Variants in TSPAN11 observed in about 807,000 individuals in gnomAD.
TSPAN11 encodes the protein tetraspanin-11.
A neutral mutation model predicts 32.9 loss-of-function variants in TSPAN11; 29 were observed. The observed-to-expected ratio is 0.88, with a 90% CI of 0.66 to 1.20. The LOEUF (loss-of-function observed/expected upper bound fraction) is 1.20, where lower values mean the gene tolerates loss of function less well. Ranked by LOEUF, TSPAN11 falls within the 50% of genes most tolerant of loss-of-function variation. The pLI, the probability that TSPAN11 is intolerant of heterozygous loss-of-function variation, is 0.00. For missense variants in TSPAN11, 283 were observed against 329.1 expected (o/e 0.86, Z 1.08); for synonymous variants, 140 against 141.3 (o/e 0.99, Z 0.07).
At chr12:30,960,826 G>A (rs990240091) in intron 2 of TSPAN11, among the ~76,000 whole-genome samples, 1 of 151,814 alleles carries the variant, frequency 6.6e-6, no homozygotes, top group African/African-American at 2.4e-5. Flanking sequence ...ATCACCTGAG[G>A]TCAAGAGTTC....
Position 30,992,148 on chromosome 12 carries a change from A to G in TSPAN11, c.*233A>G. On this transcript the variant is annotated 3_prime_UTR_variant, in exon 8 of 8. Coordinates refer to ENST00000546076, the MANE Select transcript of TSPAN11 (RefSeq NM_001370302.1). ...GAGCCCCCATGGCCAGATCCTGGGC[A>G]GGGAAATGATCCTTTCAGGAGACAA... 3.4e-6 allele frequency: 2 copies of G among 593,822 alleles called. No individual in the cohort carries two copies. Among genetic ancestry groups the G allele is most frequent in the Non-Finnish European group, 6.0e-6 (2 of 332,500 alleles). The allele number at this position is 593,822 out of a possible 1,614,324, so 36.8% of individuals were successfully genotyped here.
chr12:30,978,883 T>C (rs1273893651), intron 4 of TSPAN11: 3 of 517,262 alleles, frequency 5.8e-6, no homozygotes, highest in African/African-American at 1.9e-5. Context: ...CCAAGGGACA[T>C]TGCGTCATCC....
Position 30,994,714 on chromosome 12 carries a change from T to C in TSPAN11, c.*2799T>C, listed in dbSNP as rs1212151434. The C allele has an allele frequency of 1.3e-5, 2 of 152,216 alleles. No homozygotes were observed. Among genetic ancestry groups the C allele is most frequent in the Non-Finnish European group, 2.9e-5 (2 of 68,058 alleles). The allele number at this position is 152,216 out of a possible 1,614,324, so 9.4% of individuals were successfully genotyped here. On this transcript the variant is annotated 3_prime_UTR_variant, in exon 8 of 8. Coordinates refer to ENST00000546076, the MANE Select transcript of TSPAN11 (RefSeq NM_001370302.1). ...TAAGTGGGGAGTGTGTCCAGGGATTTTTTTGTGTTTACCAAGGTCCTGCTG... is the reference window on the plus strand; with the variant it reads ...TAAGTGGGGAGTGTGTCCAGGGATTCTTTTGTGTTTACCAAGGTCCTGCTG...
chr12:30,982,560 C>T lies in TSPAN11; in HGVS notation c.485C>T (p.Ala162Val), dbSNP rs1191305373. 1 of 1,611,734 alleles carries T rather than the reference C, an allele frequency of 6.2e-7. No individual in the cohort carries two copies. The highest frequency in any genetic ancestry group is 2.2e-5 in the East Asian group (1 of 44,822). Residue 162 changes from alanine to valine, a missense_variant, in exon 6 of 8, where the codon GCC (alanine) becomes GTC (valine). By Grantham distance (64) the Ala-to-Val change is moderately conservative. Coordinates refer to ENST00000546076, the MANE Select transcript of TSPAN11 (RefSeq NM_001370302.1). ...DFKCCGSNSSADWQHSTYILL... is the reference protein window; with the variant it reads ...DFKCCGSNSSVDWQHSTYILL... ...AAGTGCTGTGGAAGCAACAGCTCAG[C>T]CGACTGGCAGCACAGCACGTACATC...
downstream of TSPAN11, chr12:30,998,983 A>T (rs1939452080): frequency 6.6e-6 from 1 of 152,222 alleles, no homozygotes; most frequent in Admixed American, 6.5e-5. Flanking sequence ...TCAACATATG[A>T]TGGGGCTACA....
chr12:30,959,072 C>G (rs1013642368), intron 2 of TSPAN11, among the ~76,000 whole-genome samples: 7 of 152,168 alleles, frequency 4.6e-5, no homozygotes, highest in Non-Finnish European at 8.8e-5. Flanking sequence ...GCCCCAGAAG[C>G]TCGGCAGACA....
At chr12:30,971,215 A>T (rs1240175782) in intron 3 of TSPAN11, among the ~76,000 whole-genome samples, 1 of 152,184 alleles carries the variant, frequency 6.6e-6, no homozygotes, top group African/African-American at 2.4e-5. Context: ...ATCTCTAATT[A>T]TTCAGAATGG....
At chr12:31,014,251 C>T in the TSPAN11 span, among the ~76,000 whole-genome samples, 1 of 152,192 alleles carries the variant, frequency 6.6e-6, no homozygotes, top group South Asian at 2.1e-4. Context: ...AGCTCTTAAA[C>T]TATTATCATG....
chr12:30,959,727 C>T (rs1592476935), intron 2 of TSPAN11, among the ~76,000 whole-genome samples: 1 of 150,080 alleles, frequency 6.7e-6, no homozygotes, highest in East Asian at 2.0e-4. Flanking sequence ...TTGCAGTGAG[C>T]CGAGATCACG....
At chr12:30,960,175 G>A (rs926555073) in intron 2 of TSPAN11, among the ~76,000 whole-genome samples, 65 of 151,942 alleles carry the variant, frequency 4.3e-4, no homozygotes, top group African/African-American at 1.6e-3. Context: ...AGACTGAGCA[G>A]GGAGGAGGAG....
chr12:30,992,007 A>G lies in TSPAN11; in HGVS notation c.*92A>G. Reference sequence around the variant, plus strand: ...CTGCAGAGTTAGCACCAGCTCCACTAGGGCCATAGATGCCCCCTCCTTTGT... The same window carrying G: ...CTGCAGAGTTAGCACCAGCTCCACTGGGGCCATAGATGCCCCCTCCTTTGT... On this transcript the variant is annotated 3_prime_UTR_variant, in exon 8 of 8. Transcript: ENST00000546076. The G allele has an allele frequency of 7.1e-7, 1 of 1,402,126 alleles. No individual in the cohort carries two copies. Among genetic ancestry groups the G allele is most frequent in the Non-Finnish European group, 1.0e-6 (1 of 990,694 alleles). The allele number at this position is 1,402,126 out of a possible 1,614,324, so 86.9% of individuals were successfully genotyped here.
chr12:30,974,327 C>G (rs527492169), intron 3 of TSPAN11, among the ~76,000 whole-genome samples: 66 of 152,346 alleles, frequency 4.3e-4, no homozygotes, highest in African/African-American at 1.6e-3. Flanking sequence ...CCAGATAATT[C>G]TTCACTGCGG....
At chr12:30,943,682 A>T (rs1938211735) in intron 1 of TSPAN11, among the ~76,000 whole-genome samples, 1 of 152,168 alleles carries the variant, frequency 6.6e-6, no homozygotes, top group South Asian at 2.1e-4. Flanking sequence ...CACACAAAGG[A>T]GCTGAGCTCG....
At chr12:30,963,579 C>A (rs1487554982) in intron 2 of TSPAN11, among the ~76,000 whole-genome samples, 1 of 152,224 alleles carries the variant, frequency 6.6e-6, no homozygotes, top group Non-Finnish European at 1.5e-5. Context: ...GTAAAAAGCA[C>A]CGAATTCACA....
At chr12:30,932,309 C>G (rs993178381) in intron 1 of TSPAN11, among the ~76,000 whole-genome samples, 5 of 151,928 alleles carry the variant, frequency 3.3e-5, no homozygotes, top group African/African-American at 7.3e-5. Context: ...TACTGTTCAT[C>G]CTTATATTGT....
chr12:30,935,842 C>G (rs533663769), intron 1 of TSPAN11, among the ~76,000 whole-genome samples: 82 of 152,134 alleles, frequency 5.4e-4, no homozygotes, highest in African/African-American at 1.9e-3. Context: ...ATGGACTGAC[C>G]ATAGGCCAGG....
the TSPAN11 span, among the ~76,000 whole-genome samples, chr12:31,003,099 T>A: frequency 6.6e-6 from 1 of 152,232 alleles, no homozygotes; most frequent in Non-Finnish European, 1.5e-5. Flanking sequence ...GACAAGTTTG[T>A]AAATTGTTTG....
intron 4 of TSPAN11, chr12:30,978,972 A>T (rs1939031197): frequency 3.0e-6 from 1 of 332,142 alleles, no homozygotes. Flanking sequence ...GGCCAGGGTC[A>T]CATGCCAGAC....
intron 3 of TSPAN11, among the ~76,000 whole-genome samples, chr12:30,971,843 T>TA (rs5797394): frequency 0.32 from 48,154 of 150,280 alleles, 7,581 homozygotes; most frequent in Middle Eastern, 0.42. Flanking sequence ...AGGCCTCGTG[T>TA]AAAAAAAAAA....
Sources: allele counts gnomAD v4.1 joint callset (sites outside exome capture counted in the v4.1 genomes callset), GRCh38; gene constraint gnomAD v4.1.1; transcripts MANE v1.5; gene names NCBI Gene and HGNC (gene_info 2026-07-23, HGNC 2026-07-21).